The following RAB28 variants were observed in gnomAD, a reference collection of about 807,000 sequenced individuals.
The protein encoded by RAB28 is ras-related protein Rab-28.
A neutral mutation model predicts 31.7 loss-of-function variants in RAB28; 24 were observed. The ratio of observed to expected loss-of-function variants is 0.76; its 90% CI spans 0.55 to 1.06. RAB28 has a LOEUF of 1.06. Ranked by LOEUF, RAB28 falls within the 50% of genes least tolerant of loss-of-function variation. The pLI is 0.00. For synonymous variants in RAB28, 100 were observed against 90.4 expected (o/e 1.11, Z -0.60); for missense variants, 254 against 258.5 (o/e 0.98, Z 0.12).
chr4:13,442,174 C>T (rs1196625123), intron 4 of RAB28, among the ~76,000 whole-genome samples: 1 of 152,170 alleles, frequency 6.6e-6, no homozygotes, highest in Non-Finnish European at 1.5e-5. Flanking sequence ...GTAGACTCAG[C>T]TTTTGTCCAC....
chr4:13,477,547 C>T lies in RAB28; in HGVS notation c.172+1883G>A, dbSNP rs377264522. On this transcript the variant is annotated intron_variant, in intron 2 of 6. Coordinates refer to ENST00000330852, the MANE Select transcript of RAB28 (RefSeq NM_001017979.3). ...TTTATTCACCTCATTTCTTAATATA[C>T]CTATTAATTATATAAAAACAAAATA... Among the ~76,000 whole-genome samples, 117 of 150,952 alleles carry T rather than the reference C, an allele frequency of 7.8e-4. No homozygotes were observed. The South Asian group carries it at 0.014, about 18-fold the overall frequency.
At chr4:13,398,668 C>T (rs376404294) in intron 4 of RAB28, among the ~76,000 whole-genome samples, 6 of 151,760 alleles carry the variant, frequency 4.0e-5, no homozygotes, top group South Asian at 2.1e-4. Flanking sequence ...GTCCCAGCTA[C>T]TCGGGAGGCT....
intron 6 of RAB28, among the ~76,000 whole-genome samples, chr4:13,374,129 C>G (rs559550518): frequency 6.6e-6 from 1 of 152,052 alleles, no homozygotes; most frequent in East Asian, 1.9e-4. Flanking sequence ...AATAAGGATT[C>G]TTGCTATACA....
chr4:13,414,251 C>A (rs988933943), intron 4 of RAB28, among the ~76,000 whole-genome samples: 1 of 152,172 alleles, frequency 6.6e-6, no homozygotes, highest in African/African-American at 2.4e-5. Flanking sequence ...GTTATTGACA[C>A]ATACTACCTT....
At chr4:13,390,894 A>G (rs1729598502) in intron 4 of RAB28, among the ~76,000 whole-genome samples, 1 of 152,220 alleles carries the variant, frequency 6.6e-6, no homozygotes, top group Non-Finnish European at 1.5e-5. Context: ...CACCTTATAC[A>G]AAAATTAATT....
At chr4:13,369,591 T>A (rs530721695) in intron 6 of RAB28, among the ~76,000 whole-genome samples, 2 of 152,234 alleles carry the variant, frequency 1.3e-5, no homozygotes, top group African/African-American at 4.8e-5. Context: ...ACTGCCTCAA[T>A]TCTCCACTTC....
intron 4 of RAB28, among the ~76,000 whole-genome samples, chr4:13,398,415 A>T (rs930677850): frequency 5.3e-5 from 8 of 151,990 alleles, no homozygotes; most frequent in South Asian, 4.2e-4. Flanking sequence ...AGAATTGCAT[A>T]AAAAAAAGAG....
chr4:13,473,591 AATG>A (rs1716213987), intron 3 of RAB28, among the ~76,000 whole-genome samples: 1 of 151,878 alleles, frequency 6.6e-6, no homozygotes, highest in South Asian at 2.1e-4. Flanking sequence ...CTCAGAGAGA[AATG>A]ATTAACTTTT....
intron 4 of RAB28, among the ~76,000 whole-genome samples, chr4:13,421,081 A>G (rs1713109259): frequency 6.6e-6 from 1 of 152,240 alleles, no homozygotes; most frequent in African/African-American, 2.4e-5. Context: ...ATCAATGTGC[A>G]AAAATCACAA....
At chr4:13,476,044 G>A (rs1716346538) in intron 2 of RAB28, among the ~76,000 whole-genome samples, 1 of 151,420 alleles carries the variant, frequency 6.6e-6, no homozygotes, top group Admixed American at 6.6e-5. Context: ...AAGATTTTAG[G>A]CAATACTTAG....
chr4:13,469,128 A>T (rs1247402797), intron 3 of RAB28, among the ~76,000 whole-genome samples: 1 of 151,820 alleles, frequency 6.6e-6, no homozygotes, highest in African/African-American at 2.4e-5. Context: ...TCAACCCAGA[A>T]CTCTTCTGAT....
chr4:13,473,245 C>A (rs1450804312), intron 3 of RAB28, among the ~76,000 whole-genome samples: 1 of 151,884 alleles, frequency 6.6e-6, no homozygotes, highest in Non-Finnish European at 1.5e-5. Flanking sequence ...TTATTATGAG[C>A]AACATGTTTC....
At chr4:13,384,062 A>G (rs1729254451) in intron 4 of RAB28, among the ~76,000 whole-genome samples, 1 of 152,144 alleles carries the variant, frequency 6.6e-6, no homozygotes, top group Non-Finnish European at 1.5e-5. Flanking sequence ...CCCTCGCCCC[A>G]GTGAACCCTG....
chr4:13,469,885 C>T (rs1047243929), intron 3 of RAB28, among the ~76,000 whole-genome samples: 12 of 151,872 alleles, frequency 7.9e-5, no homozygotes, highest in Non-Finnish European at 1.2e-4. Context: ...GAGAAAGGGT[C>T]TCACTATGTT....
At chr4:13,415,914 T>C (rs1372283070) in intron 4 of RAB28, among the ~76,000 whole-genome samples, 1 of 152,202 alleles carries the variant, frequency 6.6e-6, no homozygotes, top group Non-Finnish European at 1.5e-5. Flanking sequence ...ATCGGCACTC[T>C]GTATCTAGCT....
At chr4:13,378,046 G>A (rs964735025) in intron 5 of RAB28, among the ~76,000 whole-genome samples, 2 of 152,178 alleles carry the variant, frequency 1.3e-5, no homozygotes, top group African/African-American at 4.8e-5. Context: ...AGGAGATGCT[G>A]AGCGGGCAGT....
chr4:13,443,095 A>G (rs1413178903), intron 4 of RAB28, among the ~76,000 whole-genome samples: 1 of 152,250 alleles, frequency 6.6e-6, no homozygotes, highest in Non-Finnish European at 1.5e-5. Context: ...TTAATTTTCA[A>G]AACAATTGTT....
chr4:13,417,403 G>A (rs1012005074), intron 4 of RAB28, among the ~76,000 whole-genome samples: 1 of 152,232 alleles, frequency 6.6e-6, no homozygotes, highest in Admixed American at 6.5e-5. Flanking sequence ...TCCCAGCACA[G>A]GGTTTGAGCT....
Position 13,401,006 on chromosome 4 carries a change from G to T in RAB28, c.392-19412C>A, listed in dbSNP as rs1711715583. Among the ~76,000 whole-genome samples the T allele has an allele frequency of 4.6e-5, 7 of 152,064 alleles. No individual in the cohort carries two copies. In the South Asian group the frequency reaches 1.5e-3, roughly 32 times the overall value. On this transcript the variant is annotated intron_variant, in intron 4 of 6. Coordinates refer to ENST00000330852, the MANE Select transcript of RAB28 (RefSeq NM_001017979.3). ...AATCTTTTGTATTTATGTTCATGAG[G>T]AATATTGGTCTGTAGTTTTCTTACA...
Sources: gnomAD v4.1 joint callset for allele counts (sites outside exome capture counted in the v4.1 genomes callset) on GRCh38, gnomAD v4.1.1 for gene constraint, MANE v1.5 for transcripts, NCBI Gene and HGNC (gene_info 2026-07-23, HGNC 2026-07-21) for gene names.